The following EYS variants were observed in gnomAD, a reference collection of about 807,000 sequenced individuals.
The protein encoded by EYS is EGF-like photoreceptor maintenance factor.
In EYS, 250 loss-of-function variants were observed where a neutral mutation model predicts 282.1. The observed-to-expected ratio is 0.89, with a 90% CI of 0.80 to 0.98. The LOEUF is 0.98. Among genes scored for constraint, EYS ranks in the 50% least tolerant of loss-of-function variants. The pLI, the probability that EYS is intolerant of heterozygous loss-of-function variation, is 0.00. For synonymous variants in EYS, 1,355 were observed against 1,282.9 expected (o/e 1.06, Z -1.20); for missense variants, 4,016 against 3,709.0 (o/e 1.08, Z -2.15).
chr6:64,460,511 A>G (rs908037187), intron 26 of EYS, among the ~76,000 whole-genome samples: 3 of 152,232 alleles, frequency 2.0e-5, no homozygotes, highest in African/African-American at 7.2e-5. Flanking sequence ...TGTTTGAAGC[A>G]ATGTTTAGAG....
rs141316578 is a variant in EYS at position 63,974,817 on chromosome 6, A to G, written c.7055+9566T>C. Among the ~76,000 whole-genome samples the G allele has an allele frequency of 2.8e-3, 430 of 152,168 alleles. 1 individual carries two copies. Among genetic ancestry groups the G allele is most frequent in the African/African-American group, 9.7e-3 (402 of 41,562 alleles). ...ACACTTATTTGCCGAAGATCTATCA[A>G]TAAATGCTTTCTGCCCTGTGAAAAC... is the stretch of plus-strand genomic sequence containing the variant. On this transcript the variant is annotated intron_variant, in intron 35 of 42. Coordinates refer to ENST00000503581, the MANE Select transcript of EYS (RefSeq NM_001142800.2).
chr6:65,276,756 A>T (rs774105032), intron 12 of EYS, among the ~76,000 whole-genome samples: 2 of 148,344 alleles, frequency 1.3e-5, no homozygotes, highest in African/African-American at 4.9e-5. Context: ...TGAAGCCAAA[A>T]GAAATACAGA....
intron 36 of EYS, among the ~76,000 whole-genome samples, chr6:63,833,565 C>A (rs1217018532): frequency 2.0e-5 from 3 of 152,166 alleles, no homozygotes; most frequent in African/African-American, 7.2e-5. Context: ...AAAGAGGACA[C>A]AAACAAATGG....
intron 24 of EYS, among the ~76,000 whole-genome samples, chr6:64,595,500 C>T (rs575211053): frequency 1.3e-5 from 2 of 152,030 alleles, no homozygotes; most frequent in African/African-American, 4.8e-5. Context: ...TCAAACTGAC[C>T]CTCTTTGCAG....
intron 14 of EYS, among the ~76,000 whole-genome samples, chr6:64,946,853 T>C (rs1769301902): frequency 6.6e-6 from 1 of 151,982 alleles, no homozygotes; most frequent in East Asian, 1.9e-4. Flanking sequence ...AATTTTGATA[T>C]AAAGAGTTAA....
chr6:63,891,273 GAC>G (rs1773399474), intron 35 of EYS, among the ~76,000 whole-genome samples: 1 of 152,094 alleles, frequency 6.6e-6, no homozygotes, highest in African/African-American at 2.4e-5. Context: ...GCCTGGCAGA[GAC>G]ACAGCAAAAA....
chr6:65,158,300 A>T (rs959777370), intron 12 of EYS, among the ~76,000 whole-genome samples: 1 of 150,892 alleles, frequency 6.6e-6, no homozygotes, highest in Admixed American at 6.6e-5. Context: ...ACCAGGAGCT[A>T]TTGCCTGAAC....
chr6:63,989,709 A>G (rs955694605), intron 34 of EYS, among the ~76,000 whole-genome samples: 19 of 151,480 alleles, frequency 1.3e-4, no homozygotes, highest in Admixed American at 1.1e-3. Flanking sequence ...GTTGTCTTTT[A>G]GGCCTCTTTC....
At chr6:65,016,293 CAA>C (rs1170224306) in intron 13 of EYS, among the ~76,000 whole-genome samples, 1 of 151,972 alleles carries the variant, frequency 6.6e-6, no homozygotes, top group Non-Finnish European at 1.5e-5. Context: ...CTTTTGATAT[CAA>C]GTTCATTATG....
chr6:65,526,631 C>T (rs929441910), intron 2 of EYS, among the ~76,000 whole-genome samples: 7 of 152,060 alleles, frequency 4.6e-5, no homozygotes, highest in Non-Finnish European at 1.0e-4. Flanking sequence ...CGGTGAAACC[C>T]CGTCTCTACT....
chr6:65,046,982 G>T (rs1029488094), intron 13 of EYS, among the ~76,000 whole-genome samples: 1 of 151,780 alleles, frequency 6.6e-6, no homozygotes, highest in Non-Finnish European at 1.5e-5. Flanking sequence ...CTCTTGCCAT[G>T]CAATGTGAAG....
intron 12 of EYS, among the ~76,000 whole-genome samples, chr6:65,096,735 TATACAATG>T (rs1247759980): frequency 6.6e-6 from 1 of 151,010 alleles, no homozygotes; most frequent in Non-Finnish European, 1.5e-5. Context: ...ATGCCAAGAA[TATACAATG>T]AGGAGTGAAA....
intron 10 of EYS, among the ~76,000 whole-genome samples, chr6:65,342,566 T>A (rs996653771): frequency 6.6e-6 from 1 of 150,764 alleles, no homozygotes; most frequent in Non-Finnish European, 1.5e-5. Flanking sequence ...TTTGGTTGCC[T>A]GAACAATTCC....
chr6:64,000,182 T>TCAGA (rs1405238270), intron 33 of EYS, among the ~76,000 whole-genome samples: 1 of 83,642 alleles, frequency 1.2e-5, no homozygotes, highest in African/African-American at 5.5e-5. Context: ...TTTTTTTTTT[T>TCAGA]TTTTTTTTTT....
Position 65,532,153 on chromosome 6 carries a change from A to ATTATTGAACT in EYS, c.-332-36170_-332-36161dup, listed in dbSNP as rs1170724313. Among the ~76,000 whole-genome samples, 21 of 152,148 alleles carry ATTATTGAACT rather than the reference A, an allele frequency of 1.4e-4. 1 individual carries two copies. Among genetic ancestry groups the ATTATTGAACT allele is most frequent in the Admixed American group, 5.2e-4 (8 of 15,278 alleles). ...GGTGTTTTTTATTTTAATTTAAACA[A>ATTATTGAACT]TTATTGAACTCAACTACCTGCTAAA... On this transcript the variant is annotated intron_variant, in intron 2 of 42. Transcript: ENST00000503581.
At chr6:64,338,673 C>G (rs905415837) in intron 29 of EYS, among the ~76,000 whole-genome samples, 9 of 151,720 alleles carry the variant, frequency 5.9e-5, no homozygotes, top group Admixed American at 5.3e-4. Context: ...CCCACATAGC[C>G]AAAGCAAGAC....
At chr6:65,687,381 AG>A (rs1190446670) in intron 1 of EYS, among the ~76,000 whole-genome samples, 2 of 152,152 alleles carry the variant, frequency 1.3e-5, no homozygotes, top group African/African-American at 4.8e-5. Context: ...GAATGACAAT[AG>A]AAAAAATCTG....
At chr6:65,587,594 C>T (rs1229267242) in intron 2 of EYS, among the ~76,000 whole-genome samples, 2 of 152,064 alleles carry the variant, frequency 1.3e-5, no homozygotes, top group African/African-American at 2.4e-5. Flanking sequence ...AATTAAACTG[C>T]CTTCCTTTAT....
intron 2 of EYS, among the ~76,000 whole-genome samples, chr6:65,625,994 C>T (rs1278070407): frequency 1.3e-5 from 2 of 152,080 alleles, no homozygotes; most frequent in African/African-American, 4.8e-5. Context: ...CCTTCCCTTC[C>T]TTTAATTGCA....
Sources: gnomAD v4.1 joint callset for allele counts (sites outside exome capture counted in the v4.1 genomes callset) on GRCh38, gnomAD v4.1.1 for gene constraint, MANE v1.5 for transcripts, NCBI Gene and HGNC (gene_info 2026-07-23, HGNC 2026-07-21) for gene names.